POP1: variants seen among roughly 807,000 people sequenced by gnomAD.
POP1 encodes the protein POP1 ribonuclease P/MRP subunit.
Under a neutral mutation model 102.2 loss-of-function variants are expected in POP1, and 75 were observed. The ratio of observed to expected loss-of-function variants is 0.73; its 90% CI spans 0.61 to 0.89. POP1 has a LOEUF of 0.89. Ranked by LOEUF, POP1 falls within the 40% of genes least tolerant of loss-of-function variation. POP1 has a pLI of 0.00. For synonymous variants in POP1, 436 were observed against 464.1 expected, an observed-to-expected ratio of 0.94 and a Z score of 0.78; for missense variants, 1,116 against 1,267.4, an observed-to-expected ratio of 0.88 and a Z score of 1.81.
rs781072902 is a variant in POP1 at position 98,136,862 on chromosome 8, G to A, written c.1270G>A (p.Asp424Asn). The A allele has an allele frequency of 6.2e-7, 1 of 1,613,522 alleles. No homozygotes were observed. ...TTTAAGATGTTCTTTCTTTTTCAGC[G>A]ATTTGACGATGGAGATGAACAGATT... ...ISPTTGIIIS[D>N]LTMEMNRFRL... The change falls in exon 9 of 16, where the codon GAT (aspartate) becomes AAT (asparagine). Residue 424 changes from aspartate (D) to asparagine (N), a missense_variant and splice_region_variant. Coordinates refer to ENST00000401707, the MANE Select transcript of POP1 (RefSeq NM_001145860.2).
intron 5 of POP1, among the ~76,000 whole-genome samples, chr8:98,131,301 C>G (rs376583043): frequency 2.6e-5 from 4 of 152,190 alleles, no homozygotes; most frequent in Admixed American, 6.5e-5. Context: ...ATTCTATTGT[C>G]TATCCAATAA....
chr8:98,131,515 T>C (rs1816379288), intron 5 of POP1, among the ~76,000 whole-genome samples: 1 of 152,240 alleles, frequency 6.6e-6, no homozygotes, highest in South Asian at 2.1e-4. Context: ...AGTGGACATT[T>C]GGCTTACTTC....
Position 98,127,918 on chromosome 8 carries a change from G to A in POP1, c.310+156G>A, listed in dbSNP as rs1183196154. 2.0e-5 allele frequency among the ~76,000 whole-genome samples: 3 copies of A among 151,980 alleles called. No individual in the cohort carries two copies. In the East Asian group the frequency reaches 5.8e-4, roughly 29 times the overall value. On this transcript the variant is annotated intron_variant, in intron 3 of 15. Coordinates refer to ENST00000401707, the MANE Select transcript of POP1 (RefSeq NM_001145860.2). ...CTTCTCGCCTCTAGCCTGGACTTTG[G>A]CCAGAGCTTCCTTGGGCTTGATGGC...
chr8:98,134,668 C>A lies in POP1; in HGVS notation c.1011+9C>A. 6.2e-7 allele frequency: 1 copy of A among 1,601,570 alleles called. No individual in the cohort carries two copies. Among genetic ancestry groups the A allele is most frequent in the Non-Finnish European group, 8.6e-7 (1 of 1,168,612 alleles). The stretch of plus-strand genomic sequence containing the variant: ...ATCCAACCCTTAAACAGGTATAATC[C>A]TTCAGGTTATCTCCCGTCATTCTGA... On this transcript the variant is annotated intron_variant, in intron 7 of 15. Transcript: ENST00000401707.
chr8:98,146,721 A>G, intron 12 of POP1, 38 bp downstream of exon 12: 1 of 1,384,032 alleles, frequency 7.2e-7, no homozygotes, highest in Non-Finnish European at 1.0e-6. Context: ...AAAGTCATGA[A>G]TGACAGGTTA....
chr8:98,154,490 A>G (rs1809597039), intron 14 of POP1, among the ~76,000 whole-genome samples: 1 of 152,044 alleles, frequency 6.6e-6, no homozygotes, highest in Non-Finnish European at 1.5e-5. Flanking sequence ...CTGACATCGC[A>G]GTTTGAAGCT....
At chr8:98,152,354 T>TA (rs1408803883) in intron 14 of POP1, among the ~76,000 whole-genome samples, 1 of 152,210 alleles carries the variant, frequency 6.6e-6, no homozygotes, top group African/African-American at 2.4e-5. Flanking sequence ...GGTTTTACCA[T>TA]ATCAAAAAAT....
chr8:98,126,430 A>G (rs1816207960), intron 2 of POP1, among the ~76,000 whole-genome samples: 1 of 152,206 alleles, frequency 6.6e-6, no homozygotes, highest in South Asian at 2.1e-4. Flanking sequence ...AAGGCATATA[A>G]CACACAGTTT....
intron 4 of POP1, among the ~76,000 whole-genome samples, chr8:98,129,570 G>C (rs1816315376): frequency 6.6e-6 from 1 of 152,122 alleles, no homozygotes; most frequent in Non-Finnish European, 1.5e-5. Flanking sequence ...ATTATTTTTG[G>C]TCTTAAGTTT....
intron 5 of POP1, among the ~76,000 whole-genome samples, chr8:98,132,833 G>C (rs1239083880): frequency 6.6e-6 from 1 of 151,072 alleles, no homozygotes; most frequent in African/African-American, 2.4e-5. Flanking sequence ...ATTTTGGGAG[G>C]CTGAGGCAGG....
intron 5 of POP1, among the ~76,000 whole-genome samples, 186 bp from the exon 6 acceptor site, chr8:98,133,763 T>C (rs1816449622): frequency 1.3e-5 from 2 of 152,194 alleles, no homozygotes; most frequent in South Asian, 4.1e-4. Context: ...ATGGACAGGT[T>C]TAGATATTTT....
At chr8:98,139,267 T>TCTTC (rs1816638671) in intron 9 of POP1, among the ~76,000 whole-genome samples, 1 of 152,226 alleles carries the variant, frequency 6.6e-6, no homozygotes, top group Non-Finnish European at 1.5e-5. Context: ...CTTTTTGAAA[T>TCTTC]CTTCCTCAAT....
chr8:98,146,727 GGT>G (rs777642687), intron 12 of POP1, 44 bp downstream of exon 12: 93 of 1,320,046 alleles, frequency 7.0e-5, no homozygotes, highest in Non-Finnish European at 7.3e-5. Context: ...ATGAATGACA[GGT>G]TAAATATATC....
intron 13 of POP1, 47 bp from the exon 14 acceptor site, chr8:98,150,438 C>T: frequency 6.2e-7 from 1 of 1,605,662 alleles, no homozygotes; most frequent in African/African-American, 1.3e-5. Flanking sequence ...TTAAGCAATT[C>T]ACTTTAAGTT....
intron 1 of POP1, 31 bp from the exon 2 acceptor site, chr8:98,123,305 C>T (rs1198969924): frequency 1.2e-6 from 2 of 1,607,346 alleles, no homozygotes; most frequent in South Asian, 1.1e-5. Context: ...AGTTTCCTTT[C>T]CCTGTATTAA....
At chr8:98,135,707 A>ATT (rs923045302) in intron 7 of POP1, among the ~76,000 whole-genome samples, 2 of 93,700 alleles carry the variant, frequency 2.1e-5, no homozygotes, top group Admixed American at 1.1e-4. Flanking sequence ...ATTAAAAAAA[A>ATT]TTTTTTTTTC....
Position 98,158,465 on chromosome 8 carries a change from G to A in POP1, c.*194G>A, listed in dbSNP as rs1809717398. On this transcript the variant is annotated 3_prime_UTR_variant, in exon 16 of 16. Coordinates refer to ENST00000401707, the MANE Select transcript of POP1 (RefSeq NM_001145860.2). ...ATGTCATTGATTTTCATCTTTCCCT[G>A]TCCTTGCTGTAATACTTTTAAATTA... 1.5e-6 allele frequency: 1 copy of A among 646,554 alleles called. No homozygotes were observed. Among genetic ancestry groups the A allele is most frequent in the Non-Finnish European group, 2.6e-6 (1 of 379,044 alleles). 40.1% of individuals were successfully genotyped at this position (646,554 alleles called of 1,614,324 possible).
In POP1 at chr8:98,130,012, C is replaced by A. The variant is rs1376490250; in HGVS notation, c.521C>A (p.Ser174Ter). 4 of 1,613,902 alleles carry A rather than the reference C, an allele frequency of 2.5e-6. No individual in the cohort carries two copies. In the South Asian group the frequency reaches 4.4e-5, roughly 18 times the overall value. The change falls in exon 5 of 16, where the codon TCA becomes TAA. Residue 174 changes from serine (S) to a stop codon, truncating the protein, a stop_gained. Coordinates refer to ENST00000401707, the MANE Select transcript of POP1 (RefSeq NM_001145860.2). LOFTEE classifies it high-confidence loss of function. ...EKAVHQKKEH[S>*]KNKCHKARRC... ...GCCGTACATCAGAAAAAAGAACATT[C>A]AAAAAATAAATGCCATAAAGCTCGA...
At chr8:98,120,983 A>G (rs1816001808) in intron 1 of POP1, among the ~76,000 whole-genome samples, 1 of 151,714 alleles carries the variant, frequency 6.6e-6, no homozygotes, top group South Asian at 2.1e-4. Flanking sequence ...GGATTTCACC[A>G]TGTTTGCCAG....
Sources: allele counts gnomAD v4.1 joint callset (sites outside exome capture counted in the v4.1 genomes callset), GRCh38; gene constraint gnomAD v4.1.1; transcripts MANE v1.5; gene names NCBI Gene and HGNC (gene_info 2026-07-23, HGNC 2026-07-21).